Variants in CHLSN observed in about 807,000 individuals in gnomAD.
CHLSN encodes the protein cholesin.
chr7:1,075,221 C>T, the CHLSN span, among the ~76,000 whole-genome samples: 1 of 152,144 alleles, frequency 6.6e-6, no homozygotes, highest in African/African-American at 2.4e-5. Flanking sequence ...TGGTTAGAAA[C>T]AGCCATTTTA....
the CHLSN span, chr7:1,093,384 T>C: frequency 2.3e-6 from 1 of 442,802 alleles, no homozygotes; most frequent in Non-Finnish European, 4.8e-6. Context: ...CACCGCCGAG[T>C]TAAAGAGGAG....
At chr7:1,029,300 A>T in the CHLSN span, among the ~76,000 whole-genome samples, 2 of 152,108 alleles carry the variant, frequency 1.3e-5, no homozygotes, top group African/African-American at 4.8e-5. Flanking sequence ...GCTAATTTTT[A>T]AATTTTTTGT....
the CHLSN span, among the ~76,000 whole-genome samples, chr7:1,099,737 C>A: frequency 6.6e-6 from 1 of 152,204 alleles, no homozygotes; most frequent in African/African-American, 2.4e-5. Context: ...TGGGCGTTGC[C>A]GTCTGACCTG....
At chr7:1,050,873 G>A in the CHLSN span, among the ~76,000 whole-genome samples, 1 of 152,168 alleles carries the variant, frequency 6.6e-6, no homozygotes, top group Non-Finnish European at 1.5e-5. Context: ...TGACGCGCAG[G>A]GGGTCTCGGA....
chr7:1,135,968 A>AGTATATATAAATATATAAGCATAT, the CHLSN span, among the ~76,000 whole-genome samples: 1 of 127,030 alleles, frequency 7.9e-6, no homozygotes, highest in Non-Finnish European at 1.6e-5. Flanking sequence ...AATATATATA[A>AGTATATATAAATATATAAGCATAT]GTATATATAA....
the CHLSN span, among the ~76,000 whole-genome samples, chr7:1,083,606 C>A: frequency 6.7e-6 from 1 of 150,202 alleles, no homozygotes; most frequent in African/African-American, 2.5e-5. Context: ...CCAGCCTGGG[C>A]GACAGAGCAA....
the CHLSN span, among the ~76,000 whole-genome samples, chr7:1,120,541 C>G: frequency 6.6e-6 from 1 of 152,204 alleles, no homozygotes; most frequent in Non-Finnish European, 1.5e-5. Flanking sequence ...ATCCTTCTGC[C>G]TCGGCCTCCC....
the CHLSN span, among the ~76,000 whole-genome samples, chr7:1,084,270 G>A: frequency 2.6e-5 from 4 of 152,226 alleles, no homozygotes; most frequent in South Asian, 2.1e-4. Context: ...TGCATGTCAC[G>A]CGGAGGCGGG....
the CHLSN span, among the ~76,000 whole-genome samples, chr7:1,055,088 C>G: frequency 5.3e-5 from 8 of 152,152 alleles, no homozygotes; most frequent in South Asian, 1.7e-3. Context: ...CAGGGGCCTG[C>G]GGGCAGAGGC....
chr7:1,020,454 C>G, the CHLSN span, among the ~76,000 whole-genome samples: 5 of 152,198 alleles, frequency 3.3e-5, no homozygotes, highest in African/African-American at 1.2e-4. Context: ...CCCCATCTTG[C>G]GTCTCCACCC....
the CHLSN span, among the ~76,000 whole-genome samples, chr7:1,115,189 T>C: frequency 6.6e-6 from 1 of 152,246 alleles, no homozygotes; most frequent in Non-Finnish European, 1.5e-5. Flanking sequence ...CTTTGCTGTT[T>C]TTTAGGAGTG....
chr7:1,067,811 AGG>A, the CHLSN span, among the ~76,000 whole-genome samples: 1 of 119,802 alleles, frequency 8.3e-6, no homozygotes, highest in Non-Finnish European at 1.7e-5. Context: ...TGCACCCCAG[AGG>A]TGAGGGTTTG....
chr7:1,134,445 G>T, the CHLSN span, among the ~76,000 whole-genome samples: 2 of 152,074 alleles, frequency 1.3e-5, no homozygotes, highest in Admixed American at 1.3e-4. Flanking sequence ...GTGGTGGCGT[G>T]TGCCTGTAGT....
chr7:1,136,331 AAT>A, the CHLSN span, among the ~76,000 whole-genome samples: 2 of 103,066 alleles, frequency 1.9e-5, no homozygotes, highest in African/African-American at 8.7e-5. Flanking sequence ...TAAATATATA[AAT>A]ATATAAACAT....
the CHLSN span, chr7:988,588 G>C: frequency 6.3e-7 from 1 of 1,599,756 alleles, no homozygotes. Context: ...CTCCCCTCCA[G>C]GAGCAGGCCT....
the CHLSN span, among the ~76,000 whole-genome samples, chr7:1,097,375 C>T: frequency 6.6e-6 from 1 of 152,156 alleles, no homozygotes; most frequent in Non-Finnish European, 1.5e-5. The surrounding 1 kb of genome is among the most constrained non-coding windows in gnomAD (Gnocchi z 4.3). Flanking sequence ...ACGGTGTCCT[C>T]GCCAAAGCTG....
At chr7:1,022,546 C>T in the CHLSN span, among the ~76,000 whole-genome samples, 794 of 152,246 alleles carry the variant, frequency 5.2e-3, 4 homozygotes, top group Middle Eastern at 0.041. Context: ...GAACACGGGA[C>T]GCCCACGTGC....
chr7:1,018,347 A>G, the CHLSN span, among the ~76,000 whole-genome samples: 1 of 152,216 alleles, frequency 6.6e-6, no homozygotes, highest in South Asian at 2.1e-4. Flanking sequence ...ACCAGTGTGC[A>G]TTGTACACGT....
At chr7:1,117,723 C>A in the CHLSN span, among the ~76,000 whole-genome samples, 1 of 149,364 alleles carries the variant, frequency 6.7e-6, no homozygotes, top group Non-Finnish European at 1.5e-5. Flanking sequence ...TCACCAACGC[C>A]CACGCAGGAT....
Sources: gnomAD v4.1 joint callset for allele counts (sites outside exome capture counted in the v4.1 genomes callset) on GRCh38, gnomAD v4.1.1 for gene constraint, Gnocchi (gnomAD v3.1) non-coding constraint, MANE v1.5 for transcripts, NCBI Gene and HGNC (gene_info 2026-07-23, HGNC 2026-07-21) for gene names.